Variants in GSE1 observed in about 807,000 individuals in gnomAD.
GSE1 encodes the protein genetic suppressor element 1.
In GSE1, 32 loss-of-function variants were observed where a neutral mutation model predicts 112.6. That is an observed-to-expected ratio of 0.28 (90% CI 0.21 to 0.38). GSE1 has a LOEUF of 0.38. Ranked by LOEUF, GSE1 falls within the 10% of genes least tolerant of loss-of-function variation. The pLI is 1.00. For missense variants in GSE1, 2,348 were observed against 1,699.2 expected (o/e 1.38, Z -6.71); for synonymous variants, 1,115 against 735.6 (o/e 1.52, Z -8.35).
intron 1 of GSE1, among the ~76,000 whole-genome samples, chr16:85,349,438 G>C (rs992986773): frequency 1.3e-5 from 2 of 152,192 alleles, no homozygotes; most frequent in African/African-American, 4.8e-5. Context: ...GACAGCGGGA[G>C]AAGAGGGCTC....
chr16:85,270,285 C>G (rs1597245004), intron 1 of GSE1, among the ~76,000 whole-genome samples: 1 of 149,114 alleles, frequency 6.7e-6, no homozygotes, highest in East Asian at 1.9e-4. Flanking sequence ...ACATGCCTCT[C>G]TGTTGAGGCC....
chr16:85,236,864 C>G (rs1014058118), intron 1 of GSE1, among the ~76,000 whole-genome samples: 1 of 152,082 alleles, frequency 6.6e-6, no homozygotes, highest in Non-Finnish European at 1.5e-5. Flanking sequence ...CCTGGCTCCC[C>G]CCGACCATCC....
chr16:85,461,079 C>T (rs1030210571), intron 2 of GSE1, among the ~76,000 whole-genome samples: 2 of 152,246 alleles, frequency 1.3e-5, no homozygotes, highest in East Asian at 1.9e-4. Context: ...TTAGGGAGCA[C>T]CTGCTTCGGG....
At chr16:85,635,655 G>C (rs2049934458) in intron 2 of GSE1, among the ~76,000 whole-genome samples, 1 of 152,182 alleles carries the variant, frequency 6.6e-6, no homozygotes, top group Admixed American at 6.5e-5. Context: ...TTTTTTCTCA[G>C]CGTTTGGGGG....
rs141657324 is a variant in GSE1 at position 85,352,341 on chromosome 16, A to G, written c.2284-5122A>G. Among the ~76,000 whole-genome samples, 325 of 152,268 alleles carry G rather than the reference A, an allele frequency of 2.1e-3. 5 individuals are homozygous for G. The highest frequency in any genetic ancestry group is 7.6e-3 in the African/African-American group (315 of 41,544). Reference sequence around the variant, plus strand: ...TCATCCTTCCCCATTAACTAACTAAAGCTTTAAAGGTGGTGGCTGCGGTCC... The same window carrying G: ...TCATCCTTCCCCATTAACTAACTAAGGCTTTAAAGGTGGTGGCTGCGGTCC... On this transcript the variant is annotated intron_variant, in intron 1 of 2. Transcript: ENST00000637419.
In GSE1 at chr16:85,311,203, A is replaced by G. The variant is rs1296835829; in HGVS notation, c.2284-46260A>G. Among the ~76,000 whole-genome samples, 1 of 152,130 alleles carries G rather than the reference A, an allele frequency of 6.6e-6. No individual in the cohort carries two copies. Among genetic ancestry groups the G allele is most frequent in the African/African-American group, 2.4e-5 (1 of 41,428 alleles). On this transcript the variant is annotated intron_variant, in intron 1 of 2. Transcript: ENST00000637419. This position sits in a 1 kb window ranked among gnomAD's most constrained non-coding sequence, Gnocchi z 4.2. ...CTGGTTCCCAGGGTGCCCCCAGCAG[A>G]AGAGCTGAGACTTGAATCCCATGGC... is the stretch of plus-strand genomic sequence containing the variant.
intron 2 of GSE1, among the ~76,000 whole-genome samples, chr16:85,504,820 G>T (rs938056230): frequency 6.6e-6 from 1 of 152,140 alleles, no homozygotes; most frequent in African/African-American, 2.4e-5. Flanking sequence ...GGTGGATGGG[G>T]GGTGCTCCAG....
At chr16:85,595,338 T>A (rs920058818) in intron 1 of GSE1, 1 of 152,236 alleles carries the variant, frequency 6.6e-6, no homozygotes, top group African/African-American at 2.4e-5. Flanking sequence ...CTGCATCCTT[T>A]CTCTTTGGGG....
intron 1 of GSE1, among the ~76,000 whole-genome samples, chr16:85,590,780 C>T (rs533884549): frequency 6.6e-6 from 1 of 152,292 alleles, no homozygotes; most frequent in South Asian, 2.1e-4. Flanking sequence ...CGCCCGGCCA[C>T]GCTGCACCAC....
chr16:85,506,712 C>T (rs984877214), intron 2 of GSE1, among the ~76,000 whole-genome samples: 3 of 151,980 alleles, frequency 2.0e-5, no homozygotes, highest in South Asian at 2.1e-4. Flanking sequence ...CAACTGCTAA[C>T]GTCGATTAGC....
intron 1 of GSE1, among the ~76,000 whole-genome samples, chr16:85,632,482 G>A (rs996784785): frequency 7.9e-5 from 12 of 152,160 alleles, no homozygotes; most frequent in East Asian, 5.8e-4. Context: ...CAGGACTCAC[G>A]GCCTTTGGTG....
At chr16:85,589,824 A>G (rs554003723) in intron 1 of GSE1, among the ~76,000 whole-genome samples, 4 of 144,046 alleles carry the variant, frequency 2.8e-5, no homozygotes, top group African/African-American at 1.2e-4. Flanking sequence ...GAGTGTGAAT[A>G]TGTGTGAATG....
Position 85,285,091 on chromosome 16 carries a change from T to C in GSE1, c.2284-72372T>C, listed in dbSNP as rs181413356. ...TCAAAGTATCTCTCCATGAGATACT[T>C]ACTAATTTCAAAGGGGACAATGGCC... On this transcript the variant is annotated intron_variant, in intron 1 of 2. Transcript: ENST00000637419. The C allele has an allele frequency of 5.0e-4, 76 of 152,268 alleles. 2 individuals are homozygous for C. The highest frequency in any genetic ancestry group is 4.6e-3 in the Admixed American group (71 of 15,304). The allele number at this position is 152,268 out of a possible 1,614,324, so 9.4% of individuals were successfully genotyped here.
At chr16:85,527,636 T>C (rs1346820637) in intron 2 of GSE1, among the ~76,000 whole-genome samples, 3 of 152,228 alleles carry the variant, frequency 2.0e-5, no homozygotes, top group African/African-American at 7.2e-5. Context: ...ACCAGCAGCC[T>C]ACCCCGGTGG....
At chr16:85,503,815 A>G (rs8061209) in intron 2 of GSE1, among the ~76,000 whole-genome samples, 51,596 of 152,016 alleles carry the variant, frequency 0.34, 10,232 homozygotes, top group East Asian at 0.54. Context: ...GTCATTTGAT[A>G]CAAGACTATC....
intron 2 of GSE1, among the ~76,000 whole-genome samples, chr16:85,504,873 T>C (rs2051486276): frequency 6.6e-6 from 1 of 152,132 alleles, no homozygotes; most frequent in Non-Finnish European, 1.5e-5. Context: ...ATGTGAGCAT[T>C]GTCCTTGGCC....
chr16:85,235,973 CGGGCCTGGGCCTGGGCCT>C (rs561194948), intron 1 of GSE1, among the ~76,000 whole-genome samples: 3 of 151,330 alleles, frequency 2.0e-5, no homozygotes, highest in Non-Finnish European at 2.9e-5. Context: ...CCTCCGGCGC[CGGGCCTGGGCCTGGGCCT>C]GGGCCTGGGG....
intron 2 of GSE1, among the ~76,000 whole-genome samples, chr16:85,458,235 C>T (rs987664635): frequency 6.6e-6 from 1 of 152,228 alleles, no homozygotes; most frequent in Non-Finnish European, 1.5e-5. Flanking sequence ...CGGCTGGATG[C>T]CGTGGGACAC....
intron 2 of GSE1, among the ~76,000 whole-genome samples, chr16:85,637,204 C>T (rs1220013623): frequency 6.6e-6 from 1 of 152,242 alleles, no homozygotes; most frequent in African/African-American, 2.4e-5. Flanking sequence ...CCGGCGGCCG[C>T]TGTCTGCTTT....
Sources: allele counts gnomAD v4.1 joint callset (sites outside exome capture counted in the v4.1 genomes callset), GRCh38; gene constraint gnomAD v4.1.1; non-coding constraint Gnocchi (gnomAD v3.1); transcripts MANE v1.5; gene names NCBI Gene and HGNC (gene_info 2026-07-23, HGNC 2026-07-21).